Variants in MCC observed in about 807,000 individuals in gnomAD.
MCC encodes the protein colorectal mutant cancer protein.
Under a neutral mutation model 116.2 loss-of-function variants are expected in MCC, and 90 were observed. That is an observed-to-expected ratio of 0.77 (90% CI 0.65 to 0.92). MCC has a LOEUF of 0.92. MCC is among the 40% of genes least tolerant of loss of function. The pLI, the probability that MCC is intolerant of heterozygous loss-of-function variation, is 0.00. For missense variants in MCC, 1,516 were observed against 1,312.2 expected (o/e 1.16, Z -2.40); for synonymous variants, 578 against 510.5 (o/e 1.13, Z -1.78).
At chr5:113,246,781 C>G (rs1343212505) in intron 3 of MCC, among the ~76,000 whole-genome samples, 6 of 152,208 alleles carry the variant, frequency 3.9e-5, no homozygotes, top group African/African-American at 1.4e-4. Flanking sequence ...ACTCTACTCT[C>G]CTTGTTTAAT....
In MCC at chr5:113,023,441, G is replaced by GCCAT. The variant is rs1750300318; in HGVS notation, c.*3857_*3860dup. On this transcript the variant is annotated 3_prime_UTR_variant, in exon 19 of 19. Transcript: ENST00000408903. ...GAAAAATTTTATAGTGTTCTACAAA[G>GCCAT]CCATCACCTTCTGCAGAAAAAAAAT... The GCCAT allele has an allele frequency of 6.6e-6, 1 of 152,132 alleles. No homozygotes were observed. The highest frequency in any genetic ancestry group is 1.5e-5 in the Non-Finnish European group (1 of 68,052). The allele number at this position is 152,132 out of a possible 1,614,324, so 9.4% of individuals were successfully genotyped here.
intron 3 of MCC, among the ~76,000 whole-genome samples, chr5:113,331,142 T>TCAGCACTAGACACAGAACCAATAG (rs1767686902): frequency 1.3e-5 from 2 of 148,150 alleles, no homozygotes; most frequent in African/African-American, 5.3e-5. Context: ...TGTGGAGAGG[T>TCAGCACTAGACACAGAACCAATAG]TCTGGGTTCC....
At chr5:113,095,330 T>G (rs1755937911) in intron 8 of MCC, among the ~76,000 whole-genome samples, 3 of 152,246 alleles carry the variant, frequency 2.0e-5, no homozygotes, top group Non-Finnish European at 2.9e-5. Flanking sequence ...AGAGTTAACA[T>G]CAACGTAGAC....
At chr5:113,037,448 T>G (rs2150211279) in intron 17 of MCC, among the ~76,000 whole-genome samples, 1 of 152,300 alleles carries the variant, frequency 6.6e-6, no homozygotes, top group East Asian at 1.9e-4. Flanking sequence ...ATCCCAGCAC[T>G]TTGTGAGGTT....
intron 5 of MCC, among the ~76,000 whole-genome samples, chr5:113,124,676 T>C (rs755352304): frequency 2.0e-5 from 3 of 152,228 alleles, no homozygotes; most frequent in Non-Finnish European, 4.4e-5. Context: ...GAAGCTGTTA[T>C]TGCAGAAACA....
intron 8 of MCC, among the ~76,000 whole-genome samples, chr5:113,090,463 T>A (rs1755532354): frequency 6.6e-6 from 1 of 151,902 alleles, no homozygotes. Context: ...TCTAGAGACC[T>A]CAATAAATAA....
intron 3 of MCC, among the ~76,000 whole-genome samples, chr5:113,167,591 G>A (rs77578655): frequency 0.022 from 3,324 of 152,140 alleles, 127 homozygotes; most frequent in African/African-American, 0.075. Context: ...TTCTGGGGCA[G>A]AGAAACATGA....
chr5:113,147,378 G>C (rs1246746234), intron 4 of MCC, among the ~76,000 whole-genome samples: 2 of 152,118 alleles, frequency 1.3e-5, no homozygotes, highest in Non-Finnish European at 2.9e-5. Flanking sequence ...GTGATGCTAA[G>C]CAGCTTTATG....
At chr5:113,174,803 G>C (rs867215622) in intron 3 of MCC, among the ~76,000 whole-genome samples, 6 of 152,086 alleles carry the variant, frequency 3.9e-5, no homozygotes, top group African/African-American at 1.4e-4. Flanking sequence ...TGTCCAGGCT[G>C]GTCTCAAACT....
intron 1 of MCC, among the ~76,000 whole-genome samples, chr5:113,391,268 T>C (rs1769394633): frequency 6.6e-6 from 1 of 152,122 alleles, no homozygotes; most frequent in Non-Finnish European, 1.5e-5. Context: ...TTGCCTAGAA[T>C]ATGCAGCAGG....
rs375002591 is a variant in MCC at position 113,440,754 on chromosome 5, G to A, written c.170+47491C>T. ...ATTTTCAGTAGATCTGTTGGCAAAC[G>A]AAGAAAGAAGAGGAGGAAGAAGGAA... On this transcript the variant is annotated intron_variant, in intron 1 of 18. Coordinates refer to ENST00000408903, the MANE Select transcript of MCC (RefSeq NM_001085377.2). 1.3e-3 allele frequency among the ~76,000 whole-genome samples: 191 copies of A among 152,126 alleles called. 8 individuals carry two copies. In the South Asian group the frequency reaches 0.039, roughly 31 times the overall value.
At chr5:113,159,649 C>T (rs1283052386) in intron 3 of MCC, among the ~76,000 whole-genome samples, 1 of 152,226 alleles carries the variant, frequency 6.6e-6, no homozygotes, top group Non-Finnish European at 1.5e-5. Context: ...CCTCATTCAG[C>T]TTCCCATCCA....
At chr5:113,321,239 T>G (rs922951865) in intron 3 of MCC, among the ~76,000 whole-genome samples, 1 of 152,238 alleles carries the variant, frequency 6.6e-6, no homozygotes, top group Admixed American at 6.5e-5. Flanking sequence ...ATCTTTTCTA[T>G]AGCTGAGTCT....
chr5:113,349,247 A>G (rs1242381113), intron 2 of MCC, among the ~76,000 whole-genome samples: 1 of 152,102 alleles, frequency 6.6e-6, no homozygotes, highest in African/African-American at 2.4e-5. Flanking sequence ...GACACATCAA[A>G]AAAACCTACA....
chr5:113,064,047 G>GCC lies in MCC; in HGVS notation c.2149_2150insGG (p.Ala717GlyfsTer44). ...CACGCTGCAGCCGGCCACGGCAAAG[G>GCC]CTCCCCCACAGCTGCCGTCCAGCTT... On this transcript the variant is annotated frameshift_variant, in exon 14 of 19. Coordinates refer to ENST00000408903, the MANE Select transcript of MCC (RefSeq NM_001085377.2). LOFTEE classifies it high-confidence loss of function. 1 of 1,614,198 alleles carries GCC rather than the reference G, an allele frequency of 6.2e-7. No homozygotes were observed. The highest frequency in any genetic ancestry group is 8.5e-7 in the Non-Finnish European group (1 of 1,180,040).
At chr5:113,146,729 C>T (rs1478704719) in intron 4 of MCC, among the ~76,000 whole-genome samples, 1 of 152,182 alleles carries the variant, frequency 6.6e-6, no homozygotes, top group African/African-American at 2.4e-5. Flanking sequence ...AAGTTAGAGA[C>T]TATTTTCTTC....
chr5:113,132,650 C>G (rs1438155208), intron 5 of MCC, among the ~76,000 whole-genome samples: 2 of 152,166 alleles, frequency 1.3e-5, no homozygotes, highest in African/African-American at 2.4e-5. Context: ...ATGAAGTAAT[C>G]CAAAATCTTT....
At chr5:113,416,972 T>TA (rs962000292) in intron 1 of MCC, among the ~76,000 whole-genome samples, 1 of 138,038 alleles carries the variant, frequency 7.2e-6, no homozygotes, top group African/African-American at 3.2e-5. Context: ...GAATTGCCTT[T>TA]TTTTTTTTTT....
At chr5:113,301,693 A>G (rs1163324901) in intron 3 of MCC, among the ~76,000 whole-genome samples, 1 of 152,174 alleles carries the variant, frequency 6.6e-6, no homozygotes, top group East Asian at 1.9e-4. Context: ...GCAAAAAGTG[A>G]GGGAAGGGTG....
Sources: gnomAD v4.1 joint callset for allele counts (sites outside exome capture counted in the v4.1 genomes callset) on GRCh38, gnomAD v4.1.1 for gene constraint, MANE v1.5 for transcripts, NCBI Gene and HGNC (gene_info 2026-07-23, HGNC 2026-07-21) for gene names.